ABCG8: variants seen among roughly 807,000 people sequenced by gnomAD.
ABCG8 encodes ATP-binding cassette sub-family G member 8.
ABCG8 carries 81 observed loss-of-function variants against 71.3 expected under a neutral mutation model. The ratio of observed to expected loss-of-function variants is 1.14; its 90% confidence interval spans 0.95 to 1.37. The LOEUF is 1.37. ABCG8 is among the 40% of genes most tolerant of loss of function. The pLI, the probability that ABCG8 is intolerant of heterozygous loss-of-function variation, is 0.00. For missense variants in ABCG8, 1,119 were observed against 866.2 expected, an observed-to-expected ratio of 1.29 and a Z score of -3.66; for synonymous variants, 451 against 354.7, an observed-to-expected ratio of 1.27 and a Z score of -3.05.
chr2:43,852,708 C>T lies in ABCG8; in HGVS notation c.804C>T (p.Ser268=), dbSNP rs150498881. The T allele has an allele frequency of 3.1e-6, 5 of 1,614,054 alleles. No homozygotes were observed. Among genetic ancestry groups the T allele is most frequent in the South Asian group, 2.2e-5 (2 of 91,088 alleles). ...AAGGCAACCGGCTGGTGCTCATCTCCCTCCACCAGCCTCGCTCTGACATCT... is the reference window on the plus strand; with the variant it reads ...AAGGCAACCGGCTGGTGCTCATCTCTCTCCACCAGCCTCGCTCTGACATCT... ...LAKGNRLVLI[S]LHQPRSDIFR... is the part of the protein sequence containing the mutation. The change falls in exon 6 of 13, where the codon TCC becomes TCT. Residue 268 remains serine (S), a synonymous_variant. Coordinates refer to ENST00000272286, the MANE Select transcript of ABCG8 (RefSeq NM_022437.3).
chr2:43,849,624 C>T (rs1668852883), intron 3 of ABCG8, among the ~76,000 whole-genome samples: 1 of 152,180 alleles, frequency 6.6e-6, no homozygotes, highest in Non-Finnish European at 1.5e-5. Context: ...GAAGGCTCCC[C>T]ACCGCTCTCA....
chr2:43,876,718 A>T (rs1255869466), intron 11 of ABCG8, among the ~76,000 whole-genome samples: 1 of 146,846 alleles, frequency 6.8e-6, no homozygotes, highest in Non-Finnish European at 1.5e-5. Context: ...GAGCCGTGGG[A>T]ATATGGGGAG....
In ABCG8 at chr2:43,851,794, C is replaced by A. The variant is rs765299706; in HGVS notation, c.533C>A (p.Thr178Asn). The change falls in exon 4 of 13, where the codon ACC (threonine) becomes AAC (asparagine). Residue 178 changes from threonine to asparagine, a missense_variant. Transcript: ENST00000272286. ...AFIAQMRLPR[T>N]FSQAQRDKRV... ...ATTGCCCAGATGCGGCTGCCCAGAA[C>A]CTTCTCCCAGGCCCAGCGTGACAAA... 2.5e-6 allele frequency: 4 copies of A among 1,614,232 alleles called. No homozygotes were observed. Among genetic ancestry groups the A allele is most frequent in the Middle Eastern group, 1.6e-4 (1 of 6,062 alleles).
intron 6 of ABCG8, among the ~76,000 whole-genome samples, chr2:43,858,675 T>A (rs1669196751): frequency 6.9e-6 from 1 of 144,950 alleles, no homozygotes; most frequent in Admixed American, 6.8e-5. Context: ...TCTGGATAGA[T>A]TTCTCACACT....
chr2:43,854,300 C>G (rs1054871828), intron 6 of ABCG8, among the ~76,000 whole-genome samples: 1 of 152,122 alleles, frequency 6.6e-6, no homozygotes, highest in Non-Finnish European at 1.5e-5. Context: ...AAGACCCCAC[C>G]TAGACATTAT....
intron 6 of ABCG8, among the ~76,000 whole-genome samples, chr2:43,868,663 T>C (rs1444644956): frequency 6.6e-6 from 1 of 152,118 alleles, no homozygotes; most frequent in African/African-American, 2.4e-5. Flanking sequence ...TGGATAGAAT[T>C]CTCACTCTCT....
At chr2:43,852,891 C>T in intron 6 of ABCG8, 23 bp downstream of exon 6, 2 of 1,612,584 alleles carry the variant, frequency 1.2e-6, no homozygotes, top group Non-Finnish European at 1.7e-6. Flanking sequence ...GGCCAGCAGC[C>T]AGGGCCCTGG....
chr2:43,850,721 T>C (rs1050527384), intron 3 of ABCG8, among the ~76,000 whole-genome samples: 1 of 152,176 alleles, frequency 6.6e-6, no homozygotes, highest in East Asian at 1.9e-4. Context: ...AAGACCAGCC[T>C]CGCCAACATG....
intron 1 of ABCG8, among the ~76,000 whole-genome samples, chr2:43,842,203 G>A (rs1192687685): frequency 6.6e-6 from 1 of 152,102 alleles, no homozygotes; most frequent in Admixed American, 6.5e-5. Flanking sequence ...AGTAGAGACA[G>A]GGTTTCACTG....
rs1670040181 is a variant in ABCG8, at chr2:43,878,720, C to A, written c.*807C>A. On this transcript the variant is annotated 3_prime_UTR_variant, in exon 13 of 13. Coordinates refer to ENST00000272286, the MANE Select transcript of ABCG8 (RefSeq NM_022437.3). ...AGAAGACAAATGGGGTCTGTAGAGG[C>A]TGTTAACTCAGCCAGGCTTCTTAGA... 6.6e-6 allele frequency: 1 copy of A among 152,390 alleles called. No homozygotes were observed. Among genetic ancestry groups the A allele is most frequent in the Admixed American group, 6.5e-5 (1 of 15,294 alleles). 9.4% of individuals were successfully genotyped at this position (152,390 alleles called of 1,614,324 possible).
rs749410145 is a variant in ABCG8, at chr2:43,851,695, G to C, written c.434G>C (p.Arg145Thr). ...NGQPSSPQLV[R>T]KCVAHVRQHN... ...CAGCCCAGCTCGCCTCAGCTGGTGAGGAAGTGTGTGGCCCACGTGCGCCAG... is the reference window on the plus strand; with the variant it reads ...CAGCCCAGCTCGCCTCAGCTGGTGACGAAGTGTGTGGCCCACGTGCGCCAG... Residue 145 changes from arginine (R) to threonine (T), a missense_variant, in exon 4 of 13, where the codon AGG (arginine) becomes ACG (threonine). Transcript: ENST00000272286. The C allele has an allele frequency of 3.7e-6, 6 of 1,614,252 alleles. No individual in the cohort carries two copies. Among genetic ancestry groups the C allele is most frequent in the Admixed American group, 1.7e-5 (1 of 60,030 alleles).
chr2:43,864,364 A>G (rs532053437), intron 6 of ABCG8, among the ~76,000 whole-genome samples: 1 of 151,422 alleles, frequency 6.6e-6, no homozygotes, highest in African/African-American at 2.4e-5. Flanking sequence ...CTCACTACCT[A>G]TCTGGATATA....
chr2:43,854,841 G>A (rs1358372995), intron 6 of ABCG8, among the ~76,000 whole-genome samples: 1 of 152,188 alleles, frequency 6.6e-6, no homozygotes, highest in African/African-American at 2.4e-5. Context: ...AGAAGGCAGA[G>A]GCACTGCAAG....
At chr2:43,876,366 G>T (rs1167733959) in intron 11 of ABCG8, among the ~76,000 whole-genome samples, 1 of 152,216 alleles carries the variant, frequency 6.6e-6, no homozygotes, top group Non-Finnish European at 1.5e-5. Flanking sequence ...AGAGTGGGAT[G>T]TGCCCTTGTG....
chr2:43,851,497 G>T, intron 3 of ABCG8, 87 bp from the exon 4 acceptor site: 1 of 1,452,932 alleles, frequency 6.9e-7, no homozygotes, highest in East Asian at 2.3e-5. Flanking sequence ...GTAGTCCGGG[G>T]TCCTGGAGAG....
At chr2:43,849,021 T>TAAAA (rs1193216137) in intron 3 of ABCG8, among the ~76,000 whole-genome samples, 34 of 54,690 alleles carry the variant, frequency 6.2e-4, no homozygotes, top group African/African-American at 2.5e-3. Context: ...AAACACTGTC[T>TAAAA]AAAAAAAAAA....
chr2:43,860,368 C>T (rs1031780480), intron 6 of ABCG8, among the ~76,000 whole-genome samples: 19 of 151,028 alleles, frequency 1.3e-4, no homozygotes, highest in African/African-American at 4.4e-4. Context: ...AGAATTCTCA[C>T]TATCTGGATA....
chr2:43,877,949 G>C lies in ABCG8; in HGVS notation c.*36G>C. ...ACGTCTGCCCGCTGGTGGGGGACCT[G>C]AGCAGACCCTTCAACTGCACTCCCT... On this transcript the variant is annotated 3_prime_UTR_variant, in exon 13 of 13. Transcript: ENST00000272286. The C allele has an allele frequency of 6.2e-7, 1 of 1,613,936 alleles. No individual in the cohort carries two copies. Among genetic ancestry groups the C allele is most frequent in the Non-Finnish European group, 8.5e-7 (1 of 1,179,972 alleles).
chr2:43,870,990 C>T (rs1222773179), intron 6 of ABCG8, among the ~76,000 whole-genome samples: 2 of 151,192 alleles, frequency 1.3e-5, no homozygotes, highest in Non-Finnish European at 3.0e-5. Context: ...ATAAAACTCT[C>T]ACTGTGTGGG....
Sources: gnomAD v4.1 joint callset for allele counts (sites outside exome capture counted in the v4.1 genomes callset) on GRCh38, gnomAD v4.1.1 for gene constraint, MANE v1.5 for transcripts, NCBI Gene and HGNC (gene_info 2026-07-23, HGNC 2026-07-21) for gene names.